The following IFIT3 variants were observed in gnomAD, a reference collection of about 807,000 sequenced individuals.
IFIT3 encodes interferon induced protein with tetratricopeptide repeats 3, also known as interferon-induced protein with tetratricopeptide repeats 3.
A neutral mutation model predicts 2.4 loss-of-function variants in IFIT3; 2 were observed. That is an observed-to-expected ratio of 0.82 (90% CI 0.34 to 2.60). The LOEUF (loss-of-function observed/expected upper bound fraction) is 2.60. IFIT3 is among the 30% of genes most tolerant of loss of function. IFIT3 has a pLI of 0.11. For missense variants in IFIT3, 481 were observed against 562.4 expected, an observed-to-expected ratio of 0.86 and a Z score of 1.46; for synonymous variants, 203 against 212.1, an observed-to-expected ratio of 0.96 and a Z score of 0.37.
intron 1 of IFIT3, among the ~76,000 whole-genome samples, chr10:89,330,773 T>G (rs185535150): frequency 6.6e-6 from 1 of 152,348 alleles, no homozygotes; most frequent in Admixed American, 6.5e-5. Context: ...TAATGCTGCT[T>G]AATTCACCAC....
intron 1 of IFIT3, among the ~76,000 whole-genome samples, chr10:89,333,153 G>A (rs530353522): frequency 5.6e-4 from 86 of 152,230 alleles, no homozygotes; most frequent in Non-Finnish European, 1.0e-3. Context: ...GTCTACTTGA[G>A]TTGTCCTCTA....
At chr10:89,330,618 G>A (rs1162888174) in intron 1 of IFIT3, among the ~76,000 whole-genome samples, 1 of 152,166 alleles carries the variant, frequency 6.6e-6, no homozygotes, top group Non-Finnish European at 1.5e-5. Flanking sequence ...TTGGATGAAG[G>A]GAAAAGGAAA....
chr10:89,338,625 T>C, intron 1 of IFIT3, 36 bp from the exon 2 acceptor site: 1 of 1,579,904 alleles, frequency 6.3e-7, no homozygotes, highest in Non-Finnish European at 8.6e-7. Flanking sequence ...TGCTTGGCAG[T>C]GTACATCACA....
At chr10:89,330,510 G>T (rs1257603590) in intron 1 of IFIT3, among the ~76,000 whole-genome samples, 3 of 152,190 alleles carry the variant, frequency 2.0e-5, no homozygotes, top group African/African-American at 7.2e-5. Context: ...AGCCTTTGAT[G>T]GTTACCCATG....
intron 1 of IFIT3, among the ~76,000 whole-genome samples, chr10:89,336,366 G>A (rs1038561997): frequency 6.6e-6 from 1 of 152,160 alleles, no homozygotes; most frequent in Non-Finnish European, 1.5e-5. Context: ...GAGGCTAGCC[G>A]GATGTAGATG....
At position 89,340,051 on chromosome 10, in the gene IFIT3, G is replaced by A. The variant is rs763666885; in HGVS notation, c.1396G>A (p.Gly466Ser). 2 of 1,614,012 alleles carry A rather than the reference G, an allele frequency of 1.2e-6. No individual in the cohort carries two copies. The highest frequency in any genetic ancestry group is 2.7e-5 in the African/African-American group (2 of 74,926). ...IFLSASELED[G>S]SEEMGQGAVS... ...CCTGTCAGCATCTGAGCTTGAGGAT[G>A]GTAGTGAGGAAATGGGCCAGGGCGC... The change falls in exon 2 of 2, where the codon GGT becomes AGT. Residue 466 changes from glycine to serine, a missense_variant. Gly to Ser is a moderately conservative substitution (Grantham distance 56, BLOSUM62 0). Coordinates refer to ENST00000371818, the MANE Select transcript of IFIT3 (RefSeq NM_001549.6).
intron 1 of IFIT3, among the ~76,000 whole-genome samples, chr10:89,331,301 AG>A (rs1399752806): frequency 6.6e-6 from 1 of 152,064 alleles, no homozygotes; most frequent in Non-Finnish European, 1.5e-5. Context: ...CCTCCCAAGT[AG>A]CTGGGACTAT....
chr10:89,336,086 G>A (rs1293864483), intron 1 of IFIT3, among the ~76,000 whole-genome samples: 1 of 150,604 alleles, frequency 6.6e-6, no homozygotes, highest in African/African-American at 2.4e-5. Context: ...GACCACTCTG[G>A]GCAATATAGT....
chr10:89,331,948 T>C (rs1017753630), intron 1 of IFIT3, among the ~76,000 whole-genome samples: 13 of 151,788 alleles, frequency 8.6e-5, no homozygotes, highest in Non-Finnish European at 1.9e-4. Flanking sequence ...CTAGGTTGTC[T>C]GAGGCCGGGC....
At chr10:89,336,800 T>C (rs1184531909) in intron 1 of IFIT3, among the ~76,000 whole-genome samples, 1 of 152,216 alleles carries the variant, frequency 6.6e-6, no homozygotes, top group East Asian at 1.9e-4. Flanking sequence ...ATAAGGACAC[T>C]TGGTTTAATG....
chr10:89,339,502 TGC>T lies in IFIT3; in HGVS notation c.848_849del (p.Cys283LeufsTer16). On this transcript the variant is annotated frameshift_variant, in exon 2 of 2. Coordinates refer to ENST00000371818, the MANE Select transcript of IFIT3 (RefSeq NM_001549.6). LOFTEE classifies it low-confidence loss of function (END_TRUNC). ...TGGCTACCTCTATCACCAGATTGGG[TGC>T]TGCTACAAGGCAAAAGTAAGACAAA... ...NNGYLYHQIG[C>X]CYKAKVRQMQ... The T allele has an allele frequency of 6.2e-7, 1 of 1,614,128 alleles. No homozygotes were observed. Among genetic ancestry groups the T allele is most frequent in the Non-Finnish European group, 8.5e-7 (1 of 1,180,012 alleles).
At chr10:89,332,875 G>C (rs1843671280) in intron 1 of IFIT3, among the ~76,000 whole-genome samples, 1 of 152,232 alleles carries the variant, frequency 6.6e-6, no homozygotes, top group Non-Finnish European at 1.5e-5. Flanking sequence ...AGATCCTAGA[G>C]AGCCCATGCT....
chr10:89,337,035 T>C lies in IFIT3; in HGVS notation c.6-1626T>C, dbSNP rs1029876266. ...AAATGAGTCCATTTTGTTTGTTTGT[T>C]GCAACAAATTCATTCTGTCTGGGAA... On this transcript the variant is annotated intron_variant, in intron 1 of 1. Transcript: ENST00000371818. Among the ~76,000 whole-genome samples the C allele has an allele frequency of 2.4e-4, 36 of 152,366 alleles. 1 individual carries two copies. The highest frequency in any genetic ancestry group is 8.4e-4 in the African/African-American group (35 of 41,590).
In IFIT3 at chr10:89,339,117, G is replaced by A. The variant is rs1843801373; in HGVS notation, c.462G>A (p.Arg154=). 6.2e-7 allele frequency: 1 copy of A among 1,613,938 alleles called. No individual in the cohort carries two copies. Among genetic ancestry groups the A allele is most frequent in the African/African-American group, 1.3e-5 (1 of 74,916 alleles). The change falls in exon 2 of 2, where the codon AGG becomes AGA. Residue 154 remains arginine, a synonymous_variant. Transcript: ENST00000371818. The stretch of plus-strand genomic sequence containing the variant: ...AACTGAAGTGTGGAAGAAATGAAAG[G>A]GCGAAGGTGTGTTTTGAGAAGGCTC... ...WTQLKCGRNE[R]AKVCFEKALE... is the part of the protein sequence containing the mutation.
At chr10:89,338,635 A>G in intron 1 of IFIT3, 26 bp from the exon 2 acceptor site, 6 of 1,593,560 alleles carry the variant, frequency 3.8e-6, no homozygotes, top group Non-Finnish European at 5.1e-6. Flanking sequence ...TGTACATCAC[A>G]GTGACCATGT....
intron 1 of IFIT3, among the ~76,000 whole-genome samples, chr10:89,329,774 CAAG>C (rs1843631973): frequency 6.6e-6 from 1 of 152,142 alleles, no homozygotes; most frequent in Non-Finnish European, 1.5e-5. Context: ...TGGTTTCATG[CAAG>C]TCCGTGTGAA....
chr10:89,330,072 C>G (rs567616910), intron 1 of IFIT3, among the ~76,000 whole-genome samples: 1 of 152,238 alleles, frequency 6.6e-6, no homozygotes, highest in South Asian at 2.1e-4. Context: ...GCCATTTTCA[C>G]TTCTTTTGTG....
intron 1 of IFIT3, 57 bp downstream of exon 1, chr10:89,328,135 A>T: frequency 6.5e-7 from 1 of 1,546,564 alleles, no homozygotes; most frequent in Non-Finnish European, 8.9e-7. Flanking sequence ...TTGTAAGTTG[A>T]GTTTCTTACT....
chr10:89,328,257 A>G (rs1241215705), intron 1 of IFIT3, among the ~76,000 whole-genome samples, 179 bp downstream of exon 1: 1 of 152,084 alleles, frequency 6.6e-6, no homozygotes, highest in African/African-American at 2.4e-5. Flanking sequence ...TTTTTGGTGT[A>G]CACACAGGCT....
Sources: gnomAD v4.1 joint callset for allele counts (sites outside exome capture counted in the v4.1 genomes callset) on GRCh38, gnomAD v4.1.1 for gene constraint, MANE v1.5 for transcripts, NCBI Gene and HGNC (gene_info 2026-07-23, HGNC 2026-07-21) for gene names.